The following DNAH7 variants were observed in gnomAD, a reference collection of about 807,000 sequenced individuals.
DNAH7 encodes the protein dynein axonemal heavy chain 7, also known as axonemal beta dynein heavy chain 7.
DNAH7 carries 397 observed loss-of-function variants against 444.6 expected under a neutral mutation model. The ratio of observed to expected loss-of-function variants is 0.89; its 90% CI spans 0.82 to 0.97. DNAH7 has a LOEUF of 0.97. DNAH7 is among the 50% of genes least tolerant of loss of function. DNAH7 has a pLI of 0.00. For missense variants in DNAH7, 4,902 were observed against 4,800.8 expected (o/e 1.02, Z -0.62); for synonymous variants, 1,636 against 1,624.4 (o/e 1.01, Z -0.17).
chr2:195,759,271 A>G (rs1266907264), intron 61 of DNAH7, among the ~76,000 whole-genome samples: 1 of 151,936 alleles, frequency 6.6e-6, no homozygotes, highest in Non-Finnish European at 1.5e-5. Context: ...CTCCTGGACA[A>G]TATTTCTAGA....
intron 57 of DNAH7, among the ~76,000 whole-genome samples, chr2:195,789,092 T>G (rs1431199418): frequency 6.6e-6 from 1 of 152,096 alleles, no homozygotes; most frequent in East Asian, 1.9e-4. Flanking sequence ...TGGGGCAAGA[T>G]AGGTACACCA....
At chr2:196,056,428 AAAAAAAAG>A (rs1273990995) in intron 2 of DNAH7, among the ~76,000 whole-genome samples, 7 of 151,918 alleles carry the variant, frequency 4.6e-5, no homozygotes, top group Admixed American at 2.0e-4. Context: ...TGAAAAAAAA[AAAAAAAAG>A]AAAAAAGAAA....
intron 51 of DNAH7, 96 bp downstream of exon 51, chr2:195,816,532 T>C: frequency 1.1e-6 from 1 of 893,516 alleles, no homozygotes; most frequent in Non-Finnish European, 1.7e-6. Flanking sequence ...GTGGCTGTAA[T>C]GCTTGTACCA....
chr2:195,919,073 A>G (rs1687861546), intron 24 of DNAH7, among the ~76,000 whole-genome samples: 1 of 151,904 alleles, frequency 6.6e-6, no homozygotes, highest in Admixed American at 6.6e-5. Context: ...ACATGGTGAA[A>G]CTCTGTCTCT....
chr2:195,940,661 G>A (rs371009823), intron 19 of DNAH7, among the ~76,000 whole-genome samples: 2 of 151,454 alleles, frequency 1.3e-5, no homozygotes, highest in East Asian at 3.9e-4. Context: ...AATCTACAAG[G>A]AACTTAAGCC....
intron 58 of DNAH7, among the ~76,000 whole-genome samples, chr2:195,778,735 T>C (rs1313817729): frequency 1.9e-4 from 26 of 137,684 alleles, no homozygotes; most frequent in Non-Finnish European, 3.3e-4. Context: ...TATATACACA[T>C]ATATATATAT....
chr2:195,864,723 A>T lies in DNAH7; in HGVS notation c.6932T>A (p.Met2311Lys). The change falls in exon 41 of 65, where the codon ATG (methionine) becomes AAG (lysine). Residue 2311 changes from methionine to lysine, a missense_variant. Met to Lys is a moderately conservative substitution (Grantham distance 95). Transcript: ENST00000312428. ...EEYNNISKKP[M>K]NLVLFRFAIE... Reference sequence around the variant, plus strand: ...GGCAAATCGAAACAAGACAAGGTTCATGGGTTTTTTGCTTATATTGTTGTA... The same window carrying T: ...GGCAAATCGAAACAAGACAAGGTTCTTGGGTTTTTTGCTTATATTGTTGTA... 1 of 1,614,196 alleles carries T rather than the reference A, an allele frequency of 6.2e-7. No homozygotes were observed. Among genetic ancestry groups the T allele is most frequent in the Non-Finnish European group, 8.5e-7 (1 of 1,180,030 alleles).
chr2:195,807,162 T>G (rs1208420584), intron 53 of DNAH7, among the ~76,000 whole-genome samples: 1 of 152,064 alleles, frequency 6.6e-6, no homozygotes, highest in Non-Finnish European at 1.5e-5. Context: ...ATTCTTTTTT[T>G]TTTTCTTTTT....
chr2:196,066,174 G>C (rs1364765457), intron 1 of DNAH7, among the ~76,000 whole-genome samples: 1 of 152,194 alleles, frequency 6.6e-6, no homozygotes, highest in Non-Finnish European at 1.5e-5. Flanking sequence ...GATAGCCCAA[G>C]TATTAACCCT....
chr2:195,765,471 T>C (rs932343606), intron 61 of DNAH7, among the ~76,000 whole-genome samples: 2 of 152,104 alleles, frequency 1.3e-5, no homozygotes, highest in African/African-American at 4.8e-5. Context: ...ATTTGCAAAC[T>C]ACCTATCTGA....
Position 195,775,863 on chromosome 2 carries a change from T to C in DNAH7, c.11185A>G (p.Asn3729Asp), listed in dbSNP as rs947115716. The C allele has an allele frequency of 6.2e-7, 1 of 1,614,000 alleles. No individual in the cohort carries two copies. The highest frequency in any genetic ancestry group is 1.3e-5 in the African/African-American group (1 of 74,926). Reference protein sequence around the residue: ...DQSETQLLFDNILLTQSRSAG... With the variant: ...DQSETQLLFDDILLTQSRSAG... ...TCACACACCTGTGTAAGAAGAATGT[T>C]ATCAAATAGCAGCTGAGTTTCTGAC... Residue 3729 changes from asparagine to aspartate, a missense_variant, in exon 60 of 65, where the codon AAC (asparagine) becomes GAC (aspartate). Coordinates refer to ENST00000312428, the MANE Select transcript of DNAH7 (RefSeq NM_018897.3).
intron 19 of DNAH7, among the ~76,000 whole-genome samples, chr2:195,955,386 C>T (rs1420413318): frequency 6.6e-6 from 1 of 151,916 alleles, no homozygotes; most frequent in Non-Finnish European, 1.5e-5. Flanking sequence ...TGGTCTATAT[C>T]TCTGTTTTGG....
chr2:196,010,759 A>G (rs945662992), intron 10 of DNAH7, among the ~76,000 whole-genome samples: 1 of 152,168 alleles, frequency 6.6e-6, no homozygotes, highest in Non-Finnish European at 1.5e-5. Context: ...AAAATATAAA[A>G]TGTACATAAA....
intron 17 of DNAH7, among the ~76,000 whole-genome samples, chr2:195,965,146 A>G (rs1237903263): frequency 4.6e-5 from 7 of 151,872 alleles, no homozygotes; most frequent in African/African-American, 1.4e-4. Context: ...TGTTCCTTCA[A>G]TAGCCAGTTT....
intron 63 of DNAH7, among the ~76,000 whole-genome samples, chr2:195,748,051 G>T (rs1693536991): frequency 6.6e-6 from 1 of 152,184 alleles, no homozygotes; most frequent in Non-Finnish European, 1.5e-5. Flanking sequence ...AATTGTCCCT[G>T]TTTGCAGATG....
chr2:196,010,712 T>C (rs186183378), intron 10 of DNAH7, among the ~76,000 whole-genome samples: 7 of 152,092 alleles, frequency 4.6e-5, no homozygotes, highest in Admixed American at 4.6e-4. Flanking sequence ...AAATATAGTG[T>C]GTGTATGTGT....
intron 16 of DNAH7, among the ~76,000 whole-genome samples, chr2:195,971,336 T>C (rs1691826057): frequency 6.6e-6 from 1 of 152,212 alleles, no homozygotes; most frequent in African/African-American, 2.4e-5. Context: ...GCTCACAGCA[T>C]TTCTGTGTGT....
intron 54 of DNAH7, among the ~76,000 whole-genome samples, chr2:195,805,275 G>T (rs1696657378): frequency 6.6e-6 from 1 of 151,940 alleles, no homozygotes; most frequent in Non-Finnish European, 1.5e-5. Flanking sequence ...AATATTGAGG[G>T]AGGAAGGTCA....
At chr2:195,918,944 T>C (rs1032791997) in intron 24 of DNAH7, among the ~76,000 whole-genome samples, 2 of 152,156 alleles carry the variant, frequency 1.3e-5, no homozygotes, top group African/African-American at 4.8e-5. Flanking sequence ...TTATAACAAA[T>C]GTACCACACT....
Sources: gnomAD v4.1 joint callset for allele counts (sites outside exome capture counted in the v4.1 genomes callset) on GRCh38, gnomAD v4.1.1 for gene constraint, MANE v1.5 for transcripts, NCBI Gene and HGNC (gene_info 2026-07-23, HGNC 2026-07-21) for gene names.